MYH9: variants seen among roughly 807,000 people sequenced by gnomAD.
The protein encoded by MYH9 is myosin-9.
Under a neutral mutation model 241.9 loss-of-function variants are expected in MYH9, and 29 were observed. That is an observed-to-expected ratio of 0.12 (90% confidence interval 0.09 to 0.16). MYH9 has a LOEUF of 0.16. MYH9 is among the 10% of genes least tolerant of loss of function. MYH9 has a pLI of 1.00. For missense variants in MYH9, 1,803 were observed against 2,595.5 expected (o/e 0.69, Z 6.63); for synonymous variants, 1,047 against 1,062.6 (o/e 0.99, Z 0.29).
At chr22:36,357,272 T>C (rs934520584) in intron 1 of MYH9, among the ~76,000 whole-genome samples, 2 of 151,970 alleles carry the variant, frequency 1.3e-5, no homozygotes, top group East Asian at 3.9e-4. Context: ...ATGGGTAGAA[T>C]ATTGGCAGGG....
chr22:36,317,239 C>T (rs1320820552), intron 11 of MYH9, among the ~76,000 whole-genome samples: 1 of 152,204 alleles, frequency 6.6e-6, no homozygotes, highest in Non-Finnish European at 1.5e-5. Flanking sequence ...ACACTCTCCC[C>T]TCTTCTTTGT....
At chr22:36,372,890 CAG>C (rs1213386544) in intron 1 of MYH9, among the ~76,000 whole-genome samples, 1 of 152,088 alleles carries the variant, frequency 6.6e-6, no homozygotes, top group Non-Finnish European at 1.5e-5. Context: ...GGTTGGGGAA[CAG>C]GGGCCTTGGA....
chr22:36,349,105 G>C lies in MYH9; in HGVS notation c.132C>G (p.Ala44=), dbSNP rs138526426. 1.9e-6 allele frequency: 3 copies of C among 1,614,192 alleles called. No homozygotes were observed. The South Asian group carries it at 3.3e-5, about 18-fold the overall frequency. ...VPSDKSGFEP[A]SLKEEVGEEA... is the part of the protein sequence containing the mutation. Reference sequence around the variant, plus strand: ...CTTCGCCCACCTCCTCCTTGAGGCTGGCTGGCTCAAAGCCACTCTTGTCGG... The same window carrying C: ...CTTCGCCCACCTCCTCCTTGAGGCTCGCTGGCTCAAAGCCACTCTTGTCGG... The change falls in exon 2 of 41, where the codon GCC becomes GCG. Residue 44 remains alanine, a synonymous_variant. Transcript: ENST00000216181.
At position 36,305,238 on chromosome 22, in the gene MYH9, G is replaced by A. The variant is rs1435223863; in HGVS notation, c.2160-136C>T. 3.7e-6 allele frequency: 3 copies of A among 813,724 alleles called. No homozygotes were observed. Among genetic ancestry groups the A allele is most frequent in the Non-Finnish European group, 6.2e-6 (3 of 483,412 alleles). 50.4% of individuals were successfully genotyped at this position (813,724 alleles called of 1,614,324 possible). A position where few individuals can be genotyped will look rare whatever the true frequency, so the allele number is the denominator to read the frequency against. ...CTTTACACAAACTCTCCTAAGGAAA[G>A]AAGACACAGGCAAATCCCACCCCAC... On this transcript the variant is annotated intron_variant, in intron 17 of 40. Transcript: ENST00000216181. This position sits in a 1 kb window ranked among gnomAD's most constrained non-coding sequence, Gnocchi z 4.7.
At chr22:36,334,764 G>A (rs561206874) in intron 3 of MYH9, among the ~76,000 whole-genome samples, 3 of 152,258 alleles carry the variant, frequency 2.0e-5, no homozygotes, top group African/African-American at 4.8e-5. Context: ...GGTACTTATC[G>A]CAGGCATCAC....
At chr22:36,318,870 TCTC>T (rs1447193182) in intron 10 of MYH9, among the ~76,000 whole-genome samples, 3 of 151,994 alleles carry the variant, frequency 2.0e-5, no homozygotes, top group African/African-American at 7.3e-5. Context: ...TTCAAGCAAT[TCTC>T]CTGCCTCAAC....
At chr22:36,381,353 A>T (rs868732584) in intron 1 of MYH9, among the ~76,000 whole-genome samples, 1 of 151,938 alleles carries the variant, frequency 6.6e-6, no homozygotes, top group African/African-American at 2.4e-5. Context: ...CGTCTCTACT[A>T]AAAATACAAA....
At chr22:36,378,149 A>C (rs1409374764) in intron 1 of MYH9, among the ~76,000 whole-genome samples, 2 of 150,804 alleles carry the variant, frequency 1.3e-5, no homozygotes, top group Non-Finnish European at 2.9e-5. Context: ...GGTGGTGCAC[A>C]CCTGTGATCC....
chr22:36,345,739 G>A (rs767405842), intron 2 of MYH9, among the ~76,000 whole-genome samples: 1 of 152,228 alleles, frequency 6.6e-6, no homozygotes. Flanking sequence ...GACACAATAG[G>A]TCTGAAAATC....
intron 35 of MYH9, 159 bp from the exon 36 acceptor site, chr22:36,286,112 CT>C (rs2016576095): frequency 2.7e-6 from 2 of 728,868 alleles, no homozygotes; most frequent in Admixed American, 2.1e-5. Context: ...TGGTGCCCCC[CT>C]GAAGATATAG....
At chr22:36,351,879 T>C (rs2017770286) in intron 1 of MYH9, among the ~76,000 whole-genome samples, 1 of 151,956 alleles carries the variant, frequency 6.6e-6, no homozygotes, top group Non-Finnish European at 1.5e-5. Context: ...ACGAGACTCC[T>C]ACCGAGAGCA....
chr22:36,322,327 T>A (rs955402176), intron 6 of MYH9, 102 bp downstream of exon 6: 5 of 1,276,076 alleles, frequency 3.9e-6, no homozygotes, highest in Non-Finnish European at 5.7e-6. Flanking sequence ...GTCTGAACCG[T>A]CCTCGGTTTT....
At chr22:36,337,698 T>A (rs1273737163) in intron 3 of MYH9, among the ~76,000 whole-genome samples, 1 of 152,208 alleles carries the variant, frequency 6.6e-6, no homozygotes, top group African/African-American at 2.4e-5. Context: ...CCTTTTAAGA[T>A]GTAAGTGGCA....
chr22:36,321,889 G>T, intron 6 of MYH9, 68 bp from the exon 7 acceptor site: 1 of 1,349,908 alleles, frequency 7.4e-7, no homozygotes, highest in South Asian at 1.2e-5. Context: ...GCACGGGGGA[G>T]ACCACAGCCC....
At chr22:36,367,427 T>A (rs2018027485) in intron 1 of MYH9, among the ~76,000 whole-genome samples, 1 of 152,140 alleles carries the variant, frequency 6.6e-6, no homozygotes, top group African/African-American at 2.4e-5. Flanking sequence ...GCCCTGGACA[T>A]ATAGAAGGCA....
At chr22:36,290,062 A>G (rs6000227) in intron 31 of MYH9, among the ~76,000 whole-genome samples, 28,032 of 152,096 alleles carry the variant, frequency 0.18, 7,839 homozygotes, top group African/African-American at 0.61. Context: ...CCCCGAGTCC[A>G]CATCCCCCTC....
At chr22:36,297,976 A>G (rs1459177541) in intron 24 of MYH9, among the ~76,000 whole-genome samples, 3 of 152,142 alleles carry the variant, frequency 2.0e-5, no homozygotes, top group Non-Finnish European at 2.9e-5. Flanking sequence ...ATGTCTGTCC[A>G]TCTGGTGGGT....
Position 36,282,151 on chromosome 22 carries a change from G to C in MYH9, c.*517C>G, listed in dbSNP as rs2016500371. 1.7e-5 allele frequency: 5 copies of C among 290,462 alleles called. No homozygotes were observed. The South Asian group carries it at 3.4e-4, about 20-fold the overall frequency. The allele number at this position is 290,462 out of a possible 1,614,324, so 18.0% of individuals were successfully genotyped here. ...CTCCTTCTGGACCGCCCAGAGCCATGGGAGTGGGAGGCCCAAGGGGCAGAG... is the reference window on the plus strand; with the variant it reads ...CTCCTTCTGGACCGCCCAGAGCCATCGGAGTGGGAGGCCCAAGGGGCAGAG... On this transcript the variant is annotated 3_prime_UTR_variant, in exon 41 of 41. Coordinates refer to ENST00000216181, the MANE Select transcript of MYH9 (RefSeq NM_002473.6).
chr22:36,319,653 G>C lies in MYH9; in HGVS notation c.1013-18C>G, dbSNP rs749055517. On this transcript the variant is annotated intron_variant, in intron 9 of 40. Coordinates refer to ENST00000216181, the MANE Select transcript of MYH9 (RefSeq NM_002473.6). ...CAGCAGGCCTTTGGGTGCAATCAGA[G>C]GCAGCTCAGAAGCAGACATGGGTCA... 1 of 1,613,136 alleles carries C rather than the reference G, an allele frequency of 6.2e-7. No homozygotes were observed. Among genetic ancestry groups the C allele is most frequent in the East Asian group, 2.2e-5 (1 of 44,878 alleles).
Sources: allele counts gnomAD v4.1 joint callset (sites outside exome capture counted in the v4.1 genomes callset), GRCh38; gene constraint gnomAD v4.1.1; non-coding constraint Gnocchi (gnomAD v3.1); transcripts MANE v1.5; gene names NCBI Gene and HGNC (gene_info 2026-07-23, HGNC 2026-07-21).